ATF1: variants seen among roughly 807,000 people sequenced by gnomAD.
ATF1 encodes cyclic AMP-dependent transcription factor ATF-1.
Under a neutral mutation model 34.7 loss-of-function variants are expected in ATF1, and 16 were observed. The observed-to-expected ratio is 0.46, with a 90% CI of 0.31 to 0.70. The LOEUF (loss-of-function observed/expected upper bound fraction) is 0.70. Among genes scored for constraint, ATF1 ranks in the 30% least tolerant of loss-of-function variants. The pLI is 0.05. For synonymous variants in ATF1, 105 were observed against 113.1 expected (o/e 0.93, Z 0.46); for missense variants, 255 against 321.6 (o/e 0.79, Z 1.58).
At chr12:50,799,926 C>T (rs61926306) in intron 3 of ATF1, among the ~76,000 whole-genome samples, 2,760 of 152,088 alleles carry the variant, frequency 0.018, 46 homozygotes, top group Non-Finnish European at 0.031. Context: ...AAAAGTATAG[C>T]GCAGAAAAAA....
chr12:50,778,680 C>T (rs530414142), intron 1 of ATF1, among the ~76,000 whole-genome samples: 14 of 152,190 alleles, frequency 9.2e-5, no homozygotes, highest in African/African-American at 2.9e-4. Context: ...CTCCACCTCC[C>T]GGGTTCAAGC....
At chr12:50,812,200 A>G (rs1332183576) in intron 4 of ATF1, among the ~76,000 whole-genome samples, 1 of 152,248 alleles carries the variant, frequency 6.6e-6, no homozygotes, top group Non-Finnish European at 1.5e-5. Context: ...AAATGAAAAT[A>G]TGTATTCACA....
At chr12:50,768,845 T>A (rs1303630815) in intron 1 of ATF1, among the ~76,000 whole-genome samples, 2 of 152,218 alleles carry the variant, frequency 1.3e-5, no homozygotes, top group Non-Finnish European at 2.9e-5. Context: ...ATAAACTGTT[T>A]CTTTGACTTT....
chr12:50,807,318 T>G (rs1342230511), intron 3 of ATF1, among the ~76,000 whole-genome samples: 1 of 151,760 alleles, frequency 6.6e-6, no homozygotes, highest in African/African-American at 2.4e-5. Flanking sequence ...GGCAGGAGGA[T>G]CGCTTGAGCC....
intron 2 of ATF1, among the ~76,000 whole-genome samples, chr12:50,787,037 A>G (rs988440376): frequency 1.3e-5 from 2 of 152,220 alleles, no homozygotes; most frequent in African/African-American, 4.8e-5. Flanking sequence ...AATCCAAACA[A>G]CAACAAAATC....
intron 2 of ATF1, among the ~76,000 whole-genome samples, chr12:50,791,707 A>G (rs1311812117): frequency 2.0e-5 from 3 of 152,226 alleles, no homozygotes; most frequent in African/African-American, 7.2e-5. Context: ...GGTATGGACC[A>G]GAGTAGTCCA....
At chr12:50,808,665 A>T (rs1472501610) in intron 3 of ATF1, among the ~76,000 whole-genome samples, 2 of 151,886 alleles carry the variant, frequency 1.3e-5, no homozygotes, top group African/African-American at 4.8e-5. Flanking sequence ...ATCAGCCTGG[A>T]GCACATCATT....
chr12:50,790,197 A>ATTTTT (rs71086483), intron 2 of ATF1, among the ~76,000 whole-genome samples: 1 of 119,382 alleles, frequency 8.4e-6, no homozygotes, highest in African/African-American at 3.2e-5. Flanking sequence ...TGTGGGTTCT[A>ATTTTT]TTTTTTTTTT....
chr12:50,814,542 A>G (rs754934950), intron 6 of ATF1, 103 bp downstream of exon 6: 20 of 1,230,366 alleles, frequency 1.6e-5, no homozygotes, highest in Admixed American at 4.8e-5. Flanking sequence ...GCTGCATGAC[A>G]ATGTTTAAGT....
Position 50,819,929 on chromosome 12 carries a change from CAG to C in ATF1, c.*153_*154del, listed in dbSNP as rs1234396349. ...ATATCTTACGCACGATATCTAGTGA[CAG>C]AGGAGAAAGTGGAAAATGACCTCAA... On this transcript the variant is annotated 3_prime_UTR_variant, in exon 7 of 7. Coordinates refer to ENST00000262053, the MANE Select transcript of ATF1 (RefSeq NM_005171.5). 7 of 640,844 alleles carry C rather than the reference CAG, an allele frequency of 1.1e-5. No individual in the cohort carries two copies. The highest frequency in any genetic ancestry group is 7.5e-5 in the Admixed American group (2 of 26,568). The allele number at this position is 640,844 out of a possible 1,614,324, so 39.7% of individuals were successfully genotyped here. A position where few individuals can be genotyped will look rare whatever the true frequency, so the allele number is the denominator to read the frequency against.
intron 3 of ATF1, among the ~76,000 whole-genome samples, chr12:50,800,231 T>C (rs1179712533): frequency 6.6e-6 from 1 of 152,110 alleles, no homozygotes; most frequent in Non-Finnish European, 1.5e-5. Flanking sequence ...AAAAGAATTA[T>C]CTCCTGGGTC....
rs1262311462 is a variant in ATF1 at position 50,803,513 on chromosome 12, A to G, written c.195-5943A>G. 4.7e-5 allele frequency among the ~76,000 whole-genome samples: 7 copies of G among 149,542 alleles called. No individual in the cohort carries two copies. In the East Asian group the frequency reaches 1.4e-3, roughly 29 times the overall value. On this transcript the variant is annotated intron_variant, in intron 3 of 6. Transcript: ENST00000262053. ...GGTAAGAATGTAAAAAAAAAAAAAA[A>G]TAGTACAGTTGCTATGGAAAACAGT...
At chr12:50,815,367 A>G (rs1403106430) in intron 6 of ATF1, among the ~76,000 whole-genome samples, 1 of 152,044 alleles carries the variant, frequency 6.6e-6, no homozygotes, top group Non-Finnish European at 1.5e-5. Flanking sequence ...TTCAAAAAGT[A>G]GAAAAGTTAT....
At chr12:50,780,625 G>A (rs1202573356) in intron 2 of ATF1, among the ~76,000 whole-genome samples, 1 of 149,866 alleles carries the variant, frequency 6.7e-6, no homozygotes, top group Non-Finnish European at 1.5e-5. Context: ...GATTACAGGT[G>A]TGAGCCACCA....
At chr12:50,789,858 A>G (rs149783978) in intron 2 of ATF1, among the ~76,000 whole-genome samples, 8 of 152,140 alleles carry the variant, frequency 5.3e-5, no homozygotes, top group African/African-American at 1.9e-4. Flanking sequence ...TGGGGTTGGG[A>G]AGAGAATCAG....
At chr12:50,809,344 A>G (rs1592199167) in intron 3 of ATF1, 112 bp from the exon 4 acceptor site, 1 of 984,128 alleles carries the variant, frequency 1.0e-6, no homozygotes, top group East Asian at 2.8e-5. Flanking sequence ...ACTGTACTCC[A>G]GCCTGGGTGA....
At chr12:50,791,415 GC>G (rs1331155697) in intron 2 of ATF1, among the ~76,000 whole-genome samples, 2 of 152,120 alleles carry the variant, frequency 1.3e-5, no homozygotes, top group Non-Finnish European at 2.9e-5. Flanking sequence ...AATTAGCTGG[GC>G]GTGGTCACGC....
At chr12:50,801,088 C>G (rs1941503034) in intron 3 of ATF1, among the ~76,000 whole-genome samples, 1 of 152,204 alleles carries the variant, frequency 6.6e-6, no homozygotes, top group Non-Finnish European at 1.5e-5. Context: ...GAGCGAGACT[C>G]TGTTTCAATC....
intron 2 of ATF1, among the ~76,000 whole-genome samples, chr12:50,780,733 C>T (rs933843444): frequency 5.9e-5 from 9 of 151,740 alleles, no homozygotes; most frequent in African/African-American, 1.9e-4. Context: ...GAAGTCAGGG[C>T]GGGCGGATCA....
Sources: gnomAD v4.1 joint callset for allele counts (sites outside exome capture counted in the v4.1 genomes callset) on GRCh38, gnomAD v4.1.1 for gene constraint, MANE v1.5 for transcripts, NCBI Gene and HGNC (gene_info 2026-07-23, HGNC 2026-07-21) for gene names.